COPS9: variants seen among roughly 807,000 people sequenced by gnomAD.
COPS9 encodes COP9 signalosome subunit 9.
Under a neutral mutation model 7.2 loss-of-function variants are expected in COPS9, and 8 were observed. That is an observed-to-expected ratio of 1.11 (90% confidence interval 0.65 to 2.00). The LOEUF (loss-of-function observed/expected upper bound fraction) is 2.00. Ranked by LOEUF, COPS9 falls within the 30% of genes most tolerant of loss-of-function variation. The probability of loss-of-function intolerance (pLI) is 0.00; values close to 1 mark genes in which losing one functional copy is unlikely to be tolerated. For synonymous variants in COPS9, 39 were observed against 28.7 expected (o/e 1.36, Z -1.14); for missense variants, 74 against 77.7 (o/e 0.95, Z 0.18).
chr2:240,133,172 G>T (rs1559479721), intron 2 of COPS9, among the ~76,000 whole-genome samples: 1 of 152,310 alleles, frequency 6.6e-6, no homozygotes, highest in East Asian at 1.9e-4. Context: ...TTTCTGTAGA[G>T]AAAAGCACCA....
rs1055533335 is a variant in COPS9, at chr2:240,134,025, G to C, written c.64-20C>G. On this transcript the variant is annotated intron_variant, in intron 1 of 2. Transcript: ENST00000607357. ...TCCCGCCTGGGGAATGGAAAGGCAA[G>C]GTTATGTCAGGTGCGTTTTCCGAAA... is the stretch of plus-strand genomic sequence containing the variant. 1 of 1,613,558 alleles carries C rather than the reference G, an allele frequency of 6.2e-7. No homozygotes were observed. The highest frequency in any genetic ancestry group is 8.5e-7 in the Non-Finnish European group (1 of 1,179,540).
chr2:240,136,065 C>A, intron 1 of COPS9, 157 bp downstream of exon 1: 1 of 1,193,338 alleles, frequency 8.4e-7, no homozygotes. Context: ...CTCGGAGAAA[C>A]CGGGATTTGC....
downstream of COPS9, chr2:240,130,700 T>G: frequency 1.2e-6 from 1 of 842,692 alleles, no homozygotes; most frequent in Non-Finnish European, 1.5e-6. Context: ...AGGTATCTGC[T>G]ACCAGACAAA....
intron 2 of COPS9, among the ~76,000 whole-genome samples, chr2:240,131,975 C>T (rs946475978): frequency 1.3e-5 from 2 of 152,186 alleles, no homozygotes; most frequent in African/African-American, 2.4e-5. Flanking sequence ...AGGGTCCCGA[C>T]GCTCCCCAGC....
intron 1 of COPS9, 35 bp from the exon 2 acceptor site, chr2:240,134,040 G>C (rs377332936): frequency 1.2e-6 from 2 of 1,607,872 alleles, no homozygotes; most frequent in Non-Finnish European, 8.5e-7. Flanking sequence ...TGTCAGGTGC[G>C]TTTTCCGAAA....
chr2:240,128,118 C>A (rs187577851), downstream of COPS9, among the ~76,000 whole-genome samples: 6 of 152,330 alleles, frequency 3.9e-5, no homozygotes, highest in Non-Finnish European at 2.9e-5. Flanking sequence ...GCGGGCAAAG[C>A]GCACAGCTCG....
At chr2:240,127,164 G>A (rs1294808192), downstream of COPS9, among the ~76,000 whole-genome samples, 1 of 152,296 alleles carries the variant, frequency 6.6e-6, no homozygotes, top group South Asian at 2.1e-4. Context: ...CCCAGGCAGC[G>A]CTTGGACTAC....
At position 240,133,133 on chromosome 2, in the gene COPS9, G is replaced by A. The variant is rs1866648; in HGVS notation, c.136+800C>T. ...ATTAGAAACCGATGTGGCAAGCTCA[G>A]GTCCTAGCTGTTAACTAGTAACAAG... On this transcript the variant is annotated intron_variant, in intron 2 of 2. Transcript: ENST00000607357. Among the ~76,000 whole-genome samples the A allele has an allele frequency of 3.3e-5, 5 of 152,098 alleles. 1 individual carries two copies.
At chr2:240,129,868 G>A (rs200697407), downstream of COPS9, 20 of 1,544,904 alleles carry the variant, frequency 1.3e-5, no homozygotes, top group South Asian at 2.3e-5. Flanking sequence ...CAGCCTCAAC[G>A]TGCGGCCCAG....
In COPS9 at chr2:240,133,499, A is replaced by G. The variant is rs576879199; in HGVS notation, c.136+434T>C. Among the ~76,000 whole-genome samples the G allele has an allele frequency of 1.7e-3, 258 of 152,336 alleles. 1 individual carries two copies. The highest frequency in any genetic ancestry group is 6.0e-3 in the African/African-American group (250 of 41,584). On this transcript the variant is annotated intron_variant, in intron 2 of 2. Coordinates refer to ENST00000607357, the MANE Select transcript of COPS9 (RefSeq NM_001163424.2). ...AGTATGGCTGTCCCTCTGCAAAGGCAGCTGAGGGCATGAGAACCCAGGCAG... is the reference window on the plus strand; with the variant it reads ...AGTATGGCTGTCCCTCTGCAAAGGCGGCTGAGGGCATGAGAACCCAGGCAG...
At chr2:240,133,546 G>A (rs77535257) in intron 2 of COPS9, among the ~76,000 whole-genome samples, 5,637 of 152,346 alleles carry the variant, frequency 0.037, 113 homozygotes, top group Middle Eastern at 0.051. Flanking sequence ...TGGGCTGGGA[G>A]AGGAAAGGAA....
Position 240,133,919 on chromosome 2 carries a change from C to A in COPS9, c.136+14G>T, listed in dbSNP as rs769317671. On this transcript the variant is annotated intron_variant, in intron 2 of 2. Transcript: ENST00000607357. ...TTCAGATTAAATCTGGCATCCCATT[C>A]CAAGCATCCTTACCGTTAAAAAAGT... 1 of 1,613,388 alleles carries A rather than the reference C, an allele frequency of 6.2e-7. No homozygotes were observed. The highest frequency in any genetic ancestry group is 8.5e-7 in the Non-Finnish European group (1 of 1,179,532).
chr2:240,134,081 T>C, intron 1 of COPS9, 76 bp from the exon 2 acceptor site: 3 of 1,337,736 alleles, frequency 2.2e-6, no homozygotes, highest in East Asian at 2.3e-5. Context: ...GCAGGGCCAC[T>C]ACCCCCACAA....
At chr2:240,131,186 T>C in intron 2 of COPS9, 98 bp from the exon 3 acceptor site, 2 of 1,297,704 alleles carry the variant, frequency 1.5e-6, no homozygotes, top group Non-Finnish European at 2.2e-6. Context: ...AATACAGAGA[T>C]AATCGTCAAT....
downstream of COPS9, chr2:240,129,776 T>C (rs1434344466): frequency 1.5e-6 from 1 of 675,874 alleles, no homozygotes; most frequent in Non-Finnish European, 2.6e-6. Context: ...CCTCTCCAAG[T>C]GCAGACGACG....
At chr2:240,128,740 G>A (rs7605352), downstream of COPS9, among the ~76,000 whole-genome samples, 731 of 152,292 alleles carry the variant, frequency 4.8e-3, 9 homozygotes, top group African/African-American at 0.017. Context: ...GCTGCAGTCC[G>A]ATCACCCAGG....
At chr2:240,134,059 G>A (rs2071948758) in intron 1 of COPS9, 54 bp from the exon 2 acceptor site, 2 of 1,561,378 alleles carry the variant, frequency 1.3e-6, no homozygotes, top group African/African-American at 2.7e-5. Flanking sequence ...AAGAACAGGT[G>A]ATAAGTGCAT....
chr2:240,135,244 C>T (rs945314303), intron 1 of COPS9, among the ~76,000 whole-genome samples: 1 of 152,164 alleles, frequency 6.6e-6, no homozygotes, highest in Non-Finnish European at 1.5e-5. Context: ...TCCTGCCGGG[C>T]CTTCATCCCC....
chr2:240,127,037 G>A (rs911703368), downstream of COPS9: 15 of 1,430,130 alleles, frequency 1.0e-5, no homozygotes, highest in African/African-American at 9.9e-5. Context: ...TCTGTCCAGT[G>A]AGAAGACAAG....
Sources: gnomAD v4.1 joint callset for allele counts (sites outside exome capture counted in the v4.1 genomes callset) on GRCh38, gnomAD v4.1.1 for gene constraint, MANE v1.5 for transcripts, NCBI Gene and HGNC (gene_info 2026-07-23, HGNC 2026-07-21) for gene names.